NXPE2: variants seen among roughly 807,000 people sequenced by gnomAD.
NXPE2 encodes the protein NXPE family member 2.
A neutral mutation model predicts 34.4 loss-of-function variants in NXPE2; 34 were observed. The observed-to-expected ratio is 0.99, with a 90% confidence interval of 0.75 to 1.31. NXPE2 has a LOEUF of 1.31. Among genes scored for constraint, NXPE2 ranks in the 40% most tolerant of loss-of-function variants. The pLI is 0.00. For missense variants in NXPE2, 649 were observed against 672.5 expected, an observed-to-expected ratio of 0.97 and a Z score of 0.39; for synonymous variants, 235 against 231.3, an observed-to-expected ratio of 1.02 and a Z score of -0.15.
chr11:114,533,671 C>G, the NXPE2 span, among the ~76,000 whole-genome samples: 1 of 152,216 alleles, frequency 6.6e-6, no homozygotes, highest in Non-Finnish European at 1.5e-5. Flanking sequence ...CCTACGCCCA[C>G]GGAGCCTTGC....
At chr11:114,756,396 A>G in the NXPE2 span, among the ~76,000 whole-genome samples, 1 of 152,224 alleles carries the variant, frequency 6.6e-6, no homozygotes, top group South Asian at 2.1e-4. Context: ...GAAAAAAGGT[A>G]AAATTATTAG....
At chr11:114,633,506 A>T in the NXPE2 span, among the ~76,000 whole-genome samples, 20 of 150,718 alleles carry the variant, frequency 1.3e-4, no homozygotes, top group Admixed American at 8.7e-4. Context: ...GTACATGTGC[A>T]CAATGTGCAG....
the NXPE2 span, among the ~76,000 whole-genome samples, chr11:114,778,408 G>C: frequency 5.2e-3 from 799 of 152,280 alleles, 27 homozygotes; most frequent in East Asian, 0.01. Flanking sequence ...CAGAGGAATG[G>C]CATGATGTTA....
At chr11:114,669,596 A>G in the NXPE2 span, among the ~76,000 whole-genome samples, 26 of 152,198 alleles carry the variant, frequency 1.7e-4, no homozygotes, top group East Asian at 1.2e-3. Context: ...CCAAGCTCCA[A>G]TTATTCTCAC....
chr11:114,743,373 G>T, the NXPE2 span, among the ~76,000 whole-genome samples: 1 of 152,074 alleles, frequency 6.6e-6, no homozygotes, highest in Admixed American at 6.6e-5. Flanking sequence ...ATATAAAATG[G>T]AAATTATGAT....
the NXPE2 span, among the ~76,000 whole-genome samples, chr11:114,623,028 C>A: frequency 6.6e-6 from 1 of 152,058 alleles, no homozygotes; most frequent in Non-Finnish European, 1.5e-5. Flanking sequence ...TGCGGGAAAC[C>A]CCTGTTACCC....
the NXPE2 span, among the ~76,000 whole-genome samples, chr11:114,634,494 T>A: frequency 1.3e-5 from 2 of 152,092 alleles, no homozygotes; most frequent in African/African-American, 2.4e-5. Flanking sequence ...AATTTTGGCT[T>A]TTGTTGCTAT....
chr11:114,690,659 C>T (rs1272682102), intron 2 of NXPE2, among the ~76,000 whole-genome samples: 1 of 152,110 alleles, frequency 6.6e-6, no homozygotes, highest in Non-Finnish European at 1.5e-5. Context: ...AGATTGGGGA[C>T]ATTTTCCTAT....
chr11:114,763,314 G>A, the NXPE2 span, among the ~76,000 whole-genome samples: 1 of 151,818 alleles, frequency 6.6e-6, no homozygotes, highest in Non-Finnish European at 1.5e-5. Context: ...TTTTTTCATA[G>A]AAGATACATT....
the NXPE2 span, among the ~76,000 whole-genome samples, chr11:114,641,704 C>T: frequency 3.3e-5 from 5 of 151,988 alleles, no homozygotes; most frequent in African/African-American, 4.8e-5. Flanking sequence ...AGATGATCAA[C>T]AGAATAAAAC....
intron 2 of NXPE2, among the ~76,000 whole-genome samples, chr11:114,689,148 G>A (rs1581252): frequency 0.76 from 114,740 of 151,840 alleles, 43,913 homozygotes; most frequent in East Asian, 0.84. Flanking sequence ...ACTAGTTCTT[G>A]TTTTTCTATT....
chr11:114,770,745 T>C, the NXPE2 span, among the ~76,000 whole-genome samples: 1 of 152,152 alleles, frequency 6.6e-6, no homozygotes, highest in South Asian at 2.1e-4. Flanking sequence ...TGAGGTCTAA[T>C]GAGGACAAAC....
At chr11:114,558,848 A>C in the NXPE2 span, among the ~76,000 whole-genome samples, 1 of 152,192 alleles carries the variant, frequency 6.6e-6, no homozygotes, top group African/African-American at 2.4e-5. Flanking sequence ...AGGACTTCTC[A>C]GTCAGGTCCA....
At chr11:114,648,980 A>G in the NXPE2 span, among the ~76,000 whole-genome samples, 5 of 152,336 alleles carry the variant, frequency 3.3e-5, no homozygotes, top group African/African-American at 1.2e-4. Context: ...TACACACAAT[A>G]CAAATATATT....
the NXPE2 span, among the ~76,000 whole-genome samples, chr11:114,537,494 C>G: frequency 2.0e-5 from 3 of 152,078 alleles, no homozygotes; most frequent in African/African-American, 7.2e-5. Flanking sequence ...TCAGATTGTC[C>G]CTGTTTGCAG....
the NXPE2 span, chr11:114,581,839 C>T: frequency 8.3e-7 from 1 of 1,204,904 alleles, no homozygotes. Context: ...AATCAGGAAA[C>T]ATACAGAAAC....
chr11:114,553,997 A>G, the NXPE2 span: 18 of 985,396 alleles, frequency 1.8e-5, no homozygotes, highest in East Asian at 1.4e-3. Context: ...AACTTGTCCA[A>G]TTGCAATGTT....
upstream of NXPE2, chr11:114,678,359 A>G (rs1031539297): frequency 2.2e-6 from 1 of 447,984 alleles, no homozygotes; most frequent in Non-Finnish European, 4.0e-6. Context: ...GAGCTTCCTC[A>G]TGGCTTTTTC....
the NXPE2 span, among the ~76,000 whole-genome samples, chr11:114,649,911 G>A: frequency 6.6e-6 from 1 of 152,278 alleles, no homozygotes; most frequent in African/African-American, 2.4e-5. Context: ...TGGTAAATGC[G>A]TGCAGTTTGT....
Sources: allele counts gnomAD v4.1 joint callset (sites outside exome capture counted in the v4.1 genomes callset), GRCh38; gene constraint gnomAD v4.1.1; transcripts MANE v1.5; gene names NCBI Gene and HGNC (gene_info 2026-07-23, HGNC 2026-07-21).